Variants in BAHCC1 observed in about 807,000 individuals in gnomAD.
BAHCC1 encodes BAH domain and coiled-coil containing 1.
BAHCC1 carries 43 observed loss-of-function variants against 88.2 expected under a neutral mutation model. The observed-to-expected ratio is 0.49, with a 90% CI of 0.38 to 0.63. The LOEUF (loss-of-function observed/expected upper bound fraction) is 0.63. Ranked by LOEUF, BAHCC1 falls within the 20% of genes least tolerant of loss-of-function variation. The pLI is 0.00. For synonymous variants in BAHCC1, 1,510 were observed against 745.5 expected (o/e 2.03, Z -16.71); for missense variants, 3,023 against 1,654.8 (o/e 1.83, Z -14.34).
At chr17:81,404,887 C>T (rs1555646606) in intron 2 of BAHCC1, among the ~76,000 whole-genome samples, 4 of 152,120 alleles carry the variant, frequency 2.6e-5, no homozygotes, top group African/African-American at 9.7e-5. Context: ...CGTGGGGAAT[C>T]ACTGAATGCT....
intron 10 of BAHCC1, among the ~76,000 whole-genome samples, chr17:81,446,310 A>C (rs1478723556): frequency 2.0e-5 from 3 of 151,440 alleles, no homozygotes; most frequent in South Asian, 4.2e-4. Flanking sequence ...TTAATGGGAC[A>C]TGATGCCTCT....
intron 2 of BAHCC1, among the ~76,000 whole-genome samples, chr17:81,418,811 G>GCGCATGTGTGTGTGCGCGCA (rs781840050): frequency 3.1e-4 from 1 of 3,256 alleles, no homozygotes; most frequent in Non-Finnish European, 1.0e-3. Flanking sequence ...GTGTGTGTAC[G>GCGCATGTGTGTGTGCGCGCA]TGTGTGTGTG....
chr17:81,444,977 C>T (rs782028435), intron 8 of BAHCC1, 38 bp from the exon 9 acceptor site: 4 of 709,940 alleles, frequency 5.6e-6, no homozygotes, highest in Non-Finnish European at 1.0e-5. Context: ...GCTGTCCCCT[C>T]CCCAGCCAGG....
In BAHCC1 at chr17:81,434,406, C is replaced by T. The variant is rs1443586867; in HGVS notation, c.359-3964C>T. ...GGCAGACCTTCCCCCAGGGAGGAGG[C>T]ACTGCCGTTTGTCAGGATGGTGGGG... On this transcript the variant is annotated intron_variant, in intron 3 of 27. Transcript: ENST00000675386. The surrounding 1 kb of genome is among the most constrained non-coding windows in gnomAD (Gnocchi z 4.9). Among the ~76,000 whole-genome samples, 1 of 152,180 alleles carries T rather than the reference C, an allele frequency of 6.6e-6. No individual in the cohort carries two copies. Among genetic ancestry groups the T allele is most frequent in the Non-Finnish European group, 1.5e-5 (1 of 68,018 alleles).
Position 81,462,891 on chromosome 17 carries a change from C to T in BAHCC1, c.7535C>T (p.Ser2512Leu), listed in dbSNP as rs1303261568. Residue 2512 changes from serine (S) to leucine (L), a missense_variant, in exon 27 of 28, where the codon TCG becomes TTG. Physicochemically the swap from Ser to Leu is moderately radical, Grantham distance 145 (BLOSUM62 -2). Coordinates refer to ENST00000675386, the MANE Select transcript of BAHCC1 (RefSeq NM_001377448.1). ...YIGRIESMWE[S>L]WGSNMVVKVK... is the part of the protein sequence containing the mutation. ...GGCCGCATCGAGAGCATGTGGGAGT[C>T]GTGGGGCAGCAACATGGTGGTCAAG... 1 of 785,932 alleles carries T rather than the reference C, an allele frequency of 1.3e-6. No homozygotes were observed. Among genetic ancestry groups the T allele is most frequent in the Non-Finnish European group, 2.4e-6 (1 of 422,870 alleles). The allele number at this position is 785,932 out of a possible 1,614,324, so 48.7% of individuals were successfully genotyped here. A position where few individuals can be genotyped will look rare whatever the true frequency, so the allele number is the denominator to read the frequency against.
chr17:81,446,847 CCAGCCAGGTTGCCCCCT>C (rs2064537724), intron 10 of BAHCC1, 172 bp from the exon 11 acceptor site: 1 of 674,218 alleles, frequency 1.5e-6, no homozygotes, highest in Non-Finnish European at 2.7e-6. Context: ...GCTACTGCAC[CCAGCCAGGTTGCCCCCT>C]TAATTAACGT....
chr17:81,413,919 G>A (rs782546075), intron 2 of BAHCC1, among the ~76,000 whole-genome samples: 1 of 152,216 alleles, frequency 6.6e-6, no homozygotes, highest in Non-Finnish European at 1.5e-5. Flanking sequence ...CTGCCTGGGT[G>A]GGGTCCGCAG....
Position 81,457,530 on chromosome 17 carries a change from C to A in BAHCC1, c.4979C>A (p.Ser1660Tyr). 1 of 753,452 alleles carries A rather than the reference C, an allele frequency of 1.3e-6. No homozygotes were observed. Among genetic ancestry groups the A allele is most frequent in the East Asian group, 2.5e-5 (1 of 40,078 alleles). The allele number at this position is 753,452 out of a possible 1,614,324, so 46.7% of individuals were successfully genotyped here. A position where few individuals can be genotyped will look rare whatever the true frequency, so the allele number is the denominator to read the frequency against. ...GCCGTGCTGGGGCCCTCACCCTCCT[C>A]TGTGGTCAAGATGGAGGCCAACCAG... ...SVAVLGPSPS[S>Y]VVKMEANQKA... is the part of the protein sequence containing the mutation. Residue 1660 changes from serine (S) to tyrosine (Y), a missense_variant, in exon 17 of 28, where the codon TCT becomes TAT. By Grantham distance (144) the Ser-to-Tyr change is moderately radical (BLOSUM62 -2). Coordinates refer to ENST00000675386, the MANE Select transcript of BAHCC1 (RefSeq NM_001377448.1).
rs1294495291 is a variant in BAHCC1, at chr17:81,455,269, C to T, written c.4448C>T (p.Ala1483Val). The change falls in exon 15 of 28, where the codon GCG becomes GTG. Residue 1483 changes from alanine to valine, a missense_variant and splice_region_variant. Physicochemically the swap from Ala to Val is moderately conservative, Grantham distance 64. Transcript: ENST00000675386. ...CACCCACCACCCCATGCCCCCAGGG[C>T]GGTGCGGACAAGCCTGGGTCTGCTG... ...LPRSDGKKVK[A>V]VRTSLGLLCA... The T allele has an allele frequency of 1.3e-5, 9 of 715,236 alleles. No homozygotes were observed. Among genetic ancestry groups the T allele is most frequent in the East Asian group, 5.4e-5 (2 of 37,354 alleles). 44.3% of individuals were successfully genotyped at this position (715,236 alleles called of 1,614,324 possible). A position where few individuals can be genotyped will look rare whatever the true frequency, so the allele number is the denominator to read the frequency against.
Position 81,399,939 on chromosome 17 carries a change from G to T in BAHCC1, c.178+22G>T. The T allele has an allele frequency of 7.5e-7, 1 of 1,340,154 alleles. No individual in the cohort carries two copies. 83.0% of individuals were successfully genotyped at this position (1,340,154 alleles called of 1,614,324 possible). A position where few individuals can be genotyped will look rare whatever the true frequency, so the allele number is the denominator to read the frequency against. On this transcript the variant is annotated intron_variant, in intron 2 of 27. Coordinates refer to ENST00000675386, the MANE Select transcript of BAHCC1 (RefSeq NM_001377448.1). The surrounding 1 kb of genome is among the most constrained non-coding windows in gnomAD (Gnocchi z 4.5). Reference sequence around the variant, plus strand: ...ACAGGTCAGTGCTCGGCCGGGGCGGGCGCGGGACGGGAGCGTTCGAGAGCG... The same window carrying T: ...ACAGGTCAGTGCTCGGCCGGGGCGGTCGCGGGACGGGAGCGTTCGAGAGCG...
intron 2 of BAHCC1, among the ~76,000 whole-genome samples, chr17:81,412,169 C>T (rs377352800): frequency 2.1e-4 from 32 of 152,338 alleles, no homozygotes; most frequent in African/African-American, 7.5e-4. Flanking sequence ...GACAGCTACC[C>T]CATCCGGCCA....
At chr17:81,418,363 C>T (rs1311916554) in intron 2 of BAHCC1, among the ~76,000 whole-genome samples, 1 of 152,176 alleles carries the variant, frequency 6.6e-6, no homozygotes, top group African/African-American at 2.4e-5. Context: ...CCAGAATCTA[C>T]AAGACTCCCA....
Position 81,434,907 on chromosome 17 carries a change from G to C in BAHCC1, c.359-3463G>C, listed in dbSNP as rs1257829957. On this transcript the variant is annotated intron_variant, in intron 3 of 27. Transcript: ENST00000675386. This position sits in a 1 kb window ranked among gnomAD's most constrained non-coding sequence, Gnocchi z 4.9. ...TGAGGTACCTGGAGTGGGGGTGCCC[G>C]TCAGGCAGCCAGGGCTGGTGCACCC... Among the ~76,000 whole-genome samples, 8 of 152,032 alleles carry C rather than the reference G, an allele frequency of 5.3e-5. No individual in the cohort carries two copies.
intron 2 of BAHCC1, among the ~76,000 whole-genome samples, chr17:81,417,525 C>T (rs1342777852): frequency 6.7e-6 from 1 of 149,254 alleles, no homozygotes; most frequent in Non-Finnish European, 1.5e-5. Flanking sequence ...GGAGGGAGAC[C>T]GAGGAGGGAC....
intron 2 of BAHCC1, among the ~76,000 whole-genome samples, chr17:81,417,489 G>C (rs1287738068): frequency 1.4e-4 from 21 of 151,858 alleles, no homozygotes; most frequent in African/African-American, 5.1e-4. Flanking sequence ...TGGCTGCTCT[G>C]AGTCACTTGG....
chr17:81,461,160 C>G lies in BAHCC1; in HGVS notation c.6497C>G (p.Ala2166Gly). 1.3e-6 allele frequency: 1 copy of G among 756,968 alleles called. No homozygotes were observed. Among genetic ancestry groups the G allele is most frequent in the African/African-American group, 1.7e-5 (1 of 58,946 alleles). The allele number at this position is 756,968 out of a possible 1,614,324, so 46.9% of individuals were successfully genotyped here. Residue 2166 changes from alanine (A) to glycine (G), a missense_variant, in exon 26 of 28, where the codon GCG becomes GGG. By Grantham distance (60) the Ala-to-Gly change is moderately conservative. Transcript: ENST00000675386. ...TTCAGCAGCCTGGCCAGCTCCTACGCGCCCTTCGTCGGGGGGACCGGGCCG... is the reference window on the plus strand; with the variant it reads ...TTCAGCAGCCTGGCCAGCTCCTACGGGCCCTTCGTCGGGGGGACCGGGCCG... ...DSFSSLASSY[A>G]PFVGGTGPGL...
chr17:81,418,855 GCA>G (rs2064077316), intron 2 of BAHCC1, among the ~76,000 whole-genome samples: 1 of 138,768 alleles, frequency 7.2e-6, no homozygotes, highest in African/African-American at 2.6e-5. Context: ...CAGACATGTA[GCA>G]CAGTCAGACC....
chr17:81,444,007 C>A, intron 6 of BAHCC1, 90 bp downstream of exon 6: 1 of 677,658 alleles, frequency 1.5e-6, no homozygotes, highest in South Asian at 1.5e-5. Context: ...GAGGGGTGGT[C>A]ATGGCTGGGG....
chr17:81,446,283 T>A lies in BAHCC1; in HGVS notation c.3163+602T>A, dbSNP rs530089927. Among the ~76,000 whole-genome samples the A allele has an allele frequency of 4.6e-5, 7 of 152,266 alleles. No individual in the cohort carries two copies. In the South Asian group the frequency reaches 1.5e-3, roughly 32 times the overall value. ...TTCCGTTTTTTTCCCTTCGTTTTTT[T>A]TTTCTTTTTTTTGCAGTTAATGGGA... On this transcript the variant is annotated intron_variant, in intron 10 of 27. Coordinates refer to ENST00000675386, the MANE Select transcript of BAHCC1 (RefSeq NM_001377448.1).
Sources: gnomAD v4.1 joint callset for allele counts (sites outside exome capture counted in the v4.1 genomes callset) on GRCh38, gnomAD v4.1.1 for gene constraint, Gnocchi (gnomAD v3.1) non-coding constraint, MANE v1.5 for transcripts, NCBI Gene and HGNC (gene_info 2026-07-23, HGNC 2026-07-21) for gene names.